RORA: variants seen among roughly 807,000 people sequenced by gnomAD.
RORA encodes the protein nuclear receptor ROR-alpha.
In RORA, 7 loss-of-function variants were observed where a neutral mutation model predicts 69.5. The ratio of observed to expected loss-of-function variants is 0.10; its 90% CI spans 0.06 to 0.19. RORA has a LOEUF of 0.19. RORA is among the 10% of genes least tolerant of loss of function. The probability of loss-of-function intolerance (pLI) is 1.00; values close to 1 mark genes in which losing one functional copy is unlikely to be tolerated. For missense variants in RORA, 457 were observed against 663.0 expected (o/e 0.69, Z 3.41); for synonymous variants, 261 against 240.8 (o/e 1.08, Z -0.78).
At chr15:60,676,310 A>C (rs1273731103) in intron 2 of RORA, among the ~76,000 whole-genome samples, 1 of 152,224 alleles carries the variant, frequency 6.6e-6, no homozygotes, top group African/African-American at 2.4e-5. Flanking sequence ...TGACAAAAAC[A>C]ATCTCCATGT....
intron 1 of RORA, among the ~76,000 whole-genome samples, chr15:61,139,781 A>G (rs2079281039): frequency 1.3e-5 from 2 of 152,176 alleles, no homozygotes; most frequent in African/African-American, 4.8e-5. Context: ...TTAAGATCTG[A>G]TAGGAGAAAA....
In RORA at chr15:61,068,433, T is replaced by C. The variant is rs144262321; in HGVS notation, c.166+160620A>G. ...AGTGTTTCCTCTGATATTACGGTCA[T>C]TAACAATTTTGATGGAAGGAAATAG... On this transcript the variant is annotated intron_variant, in intron 1 of 10. Coordinates refer to ENST00000335670, the MANE Select transcript of RORA (RefSeq NM_134261.3). 2.3e-3 allele frequency among the ~76,000 whole-genome samples: 354 copies of C among 152,336 alleles called. 1 individual carries two copies. Among genetic ancestry groups the C allele is most frequent in the Non-Finnish European group, 4.2e-3 (284 of 68,024 alleles).
intron 1 of RORA, among the ~76,000 whole-genome samples, chr15:61,187,990 C>T (rs768624579): frequency 1.3e-5 from 2 of 152,182 alleles, no homozygotes; most frequent in Non-Finnish European, 2.9e-5. Context: ...TCAGACCTGC[C>T]AGGCCTTCTT....
intron 1 of RORA, among the ~76,000 whole-genome samples, chr15:61,046,321 C>G (rs891564018): frequency 2.0e-5 from 3 of 152,204 alleles, no homozygotes; most frequent in Admixed American, 1.3e-4. Context: ...TCACCCCATT[C>G]TGGCAAAACA....
At chr15:60,704,770 A>T (rs2071036714) in intron 1 of RORA, among the ~76,000 whole-genome samples, 1 of 152,198 alleles carries the variant, frequency 6.6e-6, no homozygotes, top group Admixed American at 6.5e-5. Flanking sequence ...CTTGTTGGTT[A>T]TTGATTCAGT....
At chr15:61,190,004 A>G (rs930307794) in intron 1 of RORA, among the ~76,000 whole-genome samples, 1 of 152,102 alleles carries the variant, frequency 6.6e-6, no homozygotes, top group African/African-American at 2.4e-5. Flanking sequence ...ACACCAGGTG[A>G]AATTTTGCAA....
intron 1 of RORA, among the ~76,000 whole-genome samples, chr15:61,198,462 C>T (rs2079864648): frequency 1.3e-5 from 2 of 152,142 alleles, no homozygotes; most frequent in African/African-American, 4.8e-5. Flanking sequence ...GCAATACCAG[C>T]CGCAGAATTG....
chr15:60,722,577 C>G (rs6494220), intron 1 of RORA, among the ~76,000 whole-genome samples: 146,597 of 152,298 alleles, frequency 0.96, 70,769 homozygotes, highest in East Asian at 1. Flanking sequence ...TCTTTCAGAA[C>G]AATCAAGAGT....
Position 60,825,804 on chromosome 15 carries a change from G to A in RORA, c.167-147118C>T, listed in dbSNP as rs373444190. 5.0e-4 allele frequency among the ~76,000 whole-genome samples: 76 copies of A among 152,266 alleles called. No individual in the cohort carries two copies. In the South Asian group the frequency reaches 0.013, roughly 27 times the overall value. On this transcript the variant is annotated intron_variant, in intron 1 of 10. Transcript: ENST00000335670. ...TTGAATCTAAGATTGTCTTTAGTAG[G>A]TATAGTTTAGATGTACCTTGTCTGA... is the stretch of plus-strand genomic sequence containing the variant.
chr15:60,741,667 C>G (rs925145448), intron 1 of RORA, among the ~76,000 whole-genome samples: 7 of 152,164 alleles, frequency 4.6e-5, no homozygotes. Context: ...GTTCCCCAAC[C>G]TTACTGCAGA....
chr15:60,953,972 G>A (rs1893186448), intron 1 of RORA, among the ~76,000 whole-genome samples: 1 of 151,720 alleles, frequency 6.6e-6, no homozygotes, highest in South Asian at 2.1e-4. Flanking sequence ...AAATCATGCT[G>A]CTATAAAGAC....
At chr15:61,120,588 C>T (rs1299692569) in intron 1 of RORA, among the ~76,000 whole-genome samples, 1 of 151,218 alleles carries the variant, frequency 6.6e-6, no homozygotes, top group East Asian at 2.0e-4. Flanking sequence ...GTAGTCCCAG[C>T]TACTCGGGAG....
intron 2 of RORA, among the ~76,000 whole-genome samples, chr15:60,674,279 G>A (rs928703449): frequency 1.3e-5 from 2 of 152,128 alleles, no homozygotes; most frequent in Non-Finnish European, 2.9e-5. Flanking sequence ...CAATAAAAAA[G>A]TATGGCCTCA....
chr15:61,208,063 C>G, intron 1 of RORA, among the ~76,000 whole-genome samples: 1 of 152,156 alleles, frequency 6.6e-6, no homozygotes, highest in South Asian at 2.1e-4. Context: ...ATAAAGACCT[C>G]GCATTTCTCT....
At chr15:60,525,874 G>A (rs547916635) in intron 3 of RORA, among the ~76,000 whole-genome samples, 2 of 152,086 alleles carry the variant, frequency 1.3e-5, no homozygotes, top group Non-Finnish European at 2.9e-5. Context: ...ATGGGGGTGA[G>A]AAGGAAGAAA....
chr15:61,201,011 C>G (rs1000086799), intron 1 of RORA, among the ~76,000 whole-genome samples: 2 of 152,222 alleles, frequency 1.3e-5, no homozygotes, highest in African/African-American at 4.8e-5. Context: ...TCCACAGCAA[C>G]AGAGTGGCAA....
intron 1 of RORA, among the ~76,000 whole-genome samples, chr15:60,926,382 C>T (rs1850475208): frequency 6.6e-6 from 1 of 152,206 alleles, no homozygotes; most frequent in Non-Finnish European, 1.5e-5. Flanking sequence ...CACTCCCCAA[C>T]AGGCCCATGG....
chr15:60,610,592 T>C (rs1288703998), intron 2 of RORA, among the ~76,000 whole-genome samples: 1 of 152,172 alleles, frequency 6.6e-6, no homozygotes, highest in East Asian at 1.9e-4. Context: ...ACTGGTAGTT[T>C]TTTATGAGAC....
At chr15:61,157,611 T>C (rs2079456085) in intron 1 of RORA, among the ~76,000 whole-genome samples, 1 of 152,138 alleles carries the variant, frequency 6.6e-6, no homozygotes, top group African/African-American at 2.4e-5. Flanking sequence ...CACCATGTGC[T>C]GGCACAACGA....
Sources: gnomAD v4.1 joint callset for allele counts (sites outside exome capture counted in the v4.1 genomes callset) on GRCh38, gnomAD v4.1.1 for gene constraint, MANE v1.5 for transcripts, NCBI Gene and HGNC (gene_info 2026-07-23, HGNC 2026-07-21) for gene names.